Variants in CLXN observed in about 807,000 individuals in gnomAD.
The protein encoded by CLXN is EF-hand calcium binding domain 1.
the CLXN span, among the ~76,000 whole-genome samples, chr8:48,713,342 T>G: frequency 6.6e-6 from 1 of 152,200 alleles, no homozygotes; most frequent in Admixed American, 6.5e-5. Context: ...CAATCCTCCC[T>G]TGGTTGCACT....
At chr8:48,732,808 A>G in the CLXN span, among the ~76,000 whole-genome samples, 9 of 152,204 alleles carry the variant, frequency 5.9e-5, no homozygotes, top group African/African-American at 1.9e-4. Flanking sequence ...TGACACATAG[A>G]TGAACATTTA....
the CLXN span, chr8:48,712,513 G>T: frequency 6.6e-6 from 1 of 152,276 alleles, no homozygotes; most frequent in Non-Finnish European, 1.5e-5. Context: ...GTTTTAGGCG[G>T]GGAATATTTT....
chr8:48,719,664 CCTCA>C, the CLXN span, among the ~76,000 whole-genome samples: 4 of 152,238 alleles, frequency 2.6e-5, no homozygotes, highest in African/African-American at 9.6e-5. Context: ...AGGAAAGTAA[CCTCA>C]CTATCATCTC....
the CLXN span, among the ~76,000 whole-genome samples, chr8:48,726,802 T>TCATC: frequency 0.016 from 1,978 of 126,690 alleles, 57 homozygotes; most frequent in African/African-American, 0.05. Context: ...ACCCAGTTCA[T>TCATC]CATCCATCCA....
the CLXN span, chr8:48,731,599 A>C: frequency 1.0e-6 from 1 of 983,352 alleles, no homozygotes; most frequent in South Asian, 2.0e-5. Flanking sequence ...AACGTCAAAG[A>C]CATCAAATAG....
chr8:48,729,863 C>CA, the CLXN span: 5 of 1,605,114 alleles, frequency 3.1e-6, no homozygotes, highest in Non-Finnish European at 4.3e-6. Context: ...TCAAACACTT[C>CA]AAAGCAATCT....
the CLXN span, among the ~76,000 whole-genome samples, chr8:48,722,757 C>T: frequency 1.2e-5 from 1 of 83,084 alleles, no homozygotes; most frequent in African/African-American, 5.2e-5. Context: ...GTGTCCCTGT[C>T]TCCCCATTAC....
chr8:48,715,566 T>C, the CLXN span: 115,792 of 152,180 alleles, frequency 0.76, 44,186 homozygotes, highest in African/African-American at 0.81. Context: ...CAGTAGCCTT[T>C]GCCACTGAGG....
chr8:48,718,446 C>T, the CLXN span, among the ~76,000 whole-genome samples: 22 of 152,098 alleles, frequency 1.4e-4, no homozygotes, highest in Admixed American at 2.6e-4. Context: ...AGATGACTTG[C>T]GCAACACTAT....
chr8:48,731,308 TGGC>T, the CLXN span: 4 of 1,550,650 alleles, frequency 2.6e-6, no homozygotes, highest in Admixed American at 3.9e-5. Context: ...TTTTCAGTTA[TGGC>T]TGGATTTGGC....
chr8:48,717,107 G>A, the CLXN span, among the ~76,000 whole-genome samples: 5 of 152,188 alleles, frequency 3.3e-5, no homozygotes, highest in Admixed American at 2.0e-4. Flanking sequence ...AGAGGTTGCA[G>A]TGAGCCGAGA....
At chr8:48,712,516 A>G in the CLXN span, 1 of 152,252 alleles carries the variant, frequency 6.6e-6, no homozygotes, top group Non-Finnish European at 1.5e-5. Flanking sequence ...TTAGGCGGGG[A>G]ATATTTTCTT....
chr8:48,719,476 A>G, the CLXN span, among the ~76,000 whole-genome samples: 1 of 152,188 alleles, frequency 6.6e-6, no homozygotes, highest in Non-Finnish European at 1.5e-5. Flanking sequence ...AAAGAAAACT[A>G]CAAGCCAATA....
chr8:48,730,782 G>A, the CLXN span: 3 of 470,238 alleles, frequency 6.4e-6, no homozygotes, highest in South Asian at 1.0e-4. Context: ...TGACGAAAGA[G>A]GAAACTAAGA....
the CLXN span, among the ~76,000 whole-genome samples, chr8:48,732,172 T>C: frequency 3.9e-5 from 6 of 152,192 alleles, no homozygotes; most frequent in African/African-American, 1.4e-4. Context: ...ACCATGGTTA[T>C]AAATACCGAG....
At chr8:48,727,213 C>G in the CLXN span, among the ~76,000 whole-genome samples, 1,363 of 53,310 alleles carry the variant, frequency 0.026, 28 homozygotes, top group African/African-American at 0.096. Context: ...CATCTATCCA[C>G]TCATCCATCC....
At chr8:48,734,538 G>GT in the CLXN span, 1 of 151,974 alleles carries the variant, frequency 6.6e-6, no homozygotes, top group Non-Finnish European at 1.5e-5. Context: ...TCTTTACCAC[G>GT]TGTTTAGTTG....
chr8:48,731,553 T>C, the CLXN span: 1 of 1,484,006 alleles, frequency 6.7e-7, no homozygotes, highest in Non-Finnish European at 9.0e-7. Flanking sequence ...ATCTTTAAGT[T>C]CTAACTTAAA....
the CLXN span, chr8:48,723,335 A>G: frequency 1.3e-5 from 2 of 152,240 alleles, no homozygotes; most frequent in African/African-American, 4.8e-5. Flanking sequence ...ATTTACTGCA[A>G]ATAGAAAAAT....
Sources: allele counts gnomAD v4.1 joint callset (sites outside exome capture counted in the v4.1 genomes callset), GRCh38; gene constraint gnomAD v4.1.1; transcripts MANE v1.5; gene names NCBI Gene and HGNC (gene_info 2026-07-23, HGNC 2026-07-21).